The following CLIP4 variants were observed in gnomAD, a reference collection of about 807,000 sequenced individuals.
CLIP4 encodes the protein CAP-Gly domain containing linker protein family member 4, also known as CAP-Gly domain-containing linker protein 4.
In CLIP4, 47 loss-of-function variants were observed where a neutral mutation model predicts 73.1. That is an observed-to-expected ratio of 0.64 (90% CI 0.51 to 0.82). The LOEUF is 0.82. Ranked by LOEUF, CLIP4 falls within the 40% of genes least tolerant of loss-of-function variation. The pLI is 0.00. For missense variants in CLIP4, 874 were observed against 852.9 expected (o/e 1.02, Z -0.31); for synonymous variants, 306 against 295.4 (o/e 1.04, Z -0.37).
At chr2:29,126,357 G>C (rs1233242003) in intron 2 of CLIP4, among the ~76,000 whole-genome samples, 1 of 152,058 alleles carries the variant, frequency 6.6e-6, no homozygotes, top group East Asian at 1.9e-4. Flanking sequence ...GGTTATTCTG[G>C]CATTAATCCT....
intron 10 of CLIP4, among the ~76,000 whole-genome samples, chr2:29,156,744 T>G (rs1666950275): frequency 6.6e-6 from 1 of 152,244 alleles, no homozygotes; most frequent in Admixed American, 6.5e-5. Flanking sequence ...TTCATTTGCC[T>G]TTAGCTATCA....
chr2:29,167,468 A>T lies in CLIP4; in HGVS notation c.1659-8A>T. On this transcript the variant is annotated splice_region_variant and splice_polypyrimidine_tract_variant and intron_variant, in intron 13 of 15. Coordinates refer to ENST00000320081, the MANE Select transcript of CLIP4 (RefSeq NM_024692.6). ...CTTCTAACGAGATGTCCTTTGTTTT[A>T]TTCATAGAGTAACAGATTCCCTGGA... The T allele has an allele frequency of 6.3e-7, 1 of 1,594,140 alleles. No homozygotes were observed. The highest frequency in any genetic ancestry group is 8.5e-7 in the Non-Finnish European group (1 of 1,170,458).
intron 1 of CLIP4, among the ~76,000 whole-genome samples, chr2:29,109,887 G>A (rs1257799370): frequency 3.9e-5 from 6 of 151,990 alleles, no homozygotes; most frequent in African/African-American, 9.7e-5. Context: ...GCGAAACCCC[G>A]TCTCTACTAA....
Position 29,182,666 on chromosome 2 carries a change from GATGAACTACAAA to G in CLIP4, c.*775_*786del, listed in dbSNP as rs1362613947. 1 of 152,502 alleles carries G rather than the reference GATGAACTACAAA, an allele frequency of 6.6e-6. No homozygotes were observed. Among genetic ancestry groups the G allele is most frequent in the Non-Finnish European group, 1.5e-5 (1 of 68,010 alleles). 9.4% of individuals were successfully genotyped at this position (152,502 alleles called of 1,614,324 possible). ...TTCTGCTGCTTGACTGCTTCATCTGGATGAACTACAAAAAACCCATGATTAAGGTTTATGAAT... is the reference window on the plus strand; with the variant it reads ...TTCTGCTGCTTGACTGCTTCATCTGGAAACCCATGATTAAGGTTTATGAAT... On this transcript the variant is annotated 3_prime_UTR_variant, in exon 16 of 16. Transcript: ENST00000320081.
In CLIP4 at chr2:29,118,517, A is replaced by ATT. The variant is rs34856696; in HGVS notation, c.-15-2840_-15-2839dup. Among the ~76,000 whole-genome samples, 345 of 138,914 alleles carry ATT rather than the reference A, an allele frequency of 2.5e-3. 1 individual carries two copies. Among genetic ancestry groups the ATT allele is most frequent in the African/African-American group, 7.4e-3 (276 of 37,320 alleles). 91.1% of individuals were successfully genotyped at this position (138,914 alleles called of 152,430 possible). ...TTCTGTAGACAGTTGATTAGTGCCA[A>ATT]TTTTTTTTTTTTTTTTTTGAGATGG... On this transcript the variant is annotated intron_variant, in intron 1 of 15. Coordinates refer to ENST00000320081, the MANE Select transcript of CLIP4 (RefSeq NM_024692.6).
At chr2:29,113,804 C>T (rs148360762), upstream of CLIP4, among the ~76,000 whole-genome samples, 7 of 152,350 alleles carry the variant, frequency 4.6e-5, no homozygotes, top group Admixed American at 1.3e-4. This position sits in a 1 kb window ranked among gnomAD's most constrained non-coding sequence, Gnocchi z 4.0. Context: ...CTCTGTTACA[C>T]ACAGATCTTT....
chr2:29,182,007 C>T lies in CLIP4; in HGVS notation c.*114C>T, dbSNP rs1465806491. 3 of 823,408 alleles carry T rather than the reference C, an allele frequency of 3.6e-6. No individual in the cohort carries two copies. In the East Asian group the frequency reaches 8.3e-5, roughly 23 times the overall value. The allele number at this position is 823,408 out of a possible 1,614,324, so 51.0% of individuals were successfully genotyped here. A position where few individuals can be genotyped will look rare whatever the true frequency, so the allele number is the denominator to read the frequency against. Reference sequence around the variant, plus strand: ...AAAATTTTGAAAATATAGTTATCTTCTTAAAAACCATTATAACAATTCAGA... The same window carrying T: ...AAAATTTTGAAAATATAGTTATCTTTTTAAAAACCATTATAACAATTCAGA... On this transcript the variant is annotated 3_prime_UTR_variant, in exon 16 of 16. Transcript: ENST00000320081.
chr2:29,137,499 T>C (rs1665453481), intron 6 of CLIP4, among the ~76,000 whole-genome samples: 2 of 152,176 alleles, frequency 1.3e-5, no homozygotes, highest in Admixed American at 6.5e-5. Flanking sequence ...GTGCAGTGTC[T>C]TTTTGGTAAA....
In CLIP4 at chr2:29,132,209, T is replaced by G; in HGVS notation, c.331T>G (p.Leu111Val). Residue 111 changes from leucine (L) to valine (V), a missense_variant, in exon 4 of 16, where the codon TTA (leucine) becomes GTA (valine). Physicochemically the swap from Leu to Val is conservative, Grantham distance 32 (BLOSUM62 1). Transcript: ENST00000320081. The stretch of plus-strand genomic sequence containing the variant: ...AGATGGATTGACAGATATGACTCTT[T>G]TACATTATACCTGCAAATCTGGAGC... ...DRDGLTDMTL[L>V]HYTCKSGAHG... 1.2e-6 allele frequency: 2 copies of G among 1,613,792 alleles called. No individual in the cohort carries two copies. Among genetic ancestry groups the G allele is most frequent in the East Asian group, 2.2e-5 (1 of 44,850 alleles).
intron 15 of CLIP4, among the ~76,000 whole-genome samples, chr2:29,180,862 A>G (rs1252043328): frequency 6.7e-6 from 1 of 149,796 alleles, no homozygotes; most frequent in Non-Finnish European, 1.5e-5. Context: ...GTGTGTGTGT[A>G]CACATGTATA....
In CLIP4 at chr2:29,128,762, G is replaced by T. The variant is rs114892520; in HGVS notation, c.134-2496G>T. ...TTCTGAACTTCCTATAGCCATTTTG[G>T]TTTTTTTCCTTCATTTTCTTTTTCA... On this transcript the variant is annotated intron_variant, in intron 2 of 15. Coordinates refer to ENST00000320081, the MANE Select transcript of CLIP4 (RefSeq NM_024692.6). 8.5e-3 allele frequency among the ~76,000 whole-genome samples: 1,285 copies of T among 151,930 alleles called. 8 individuals carry two copies. The highest frequency in any genetic ancestry group is 0.013 in the Non-Finnish European group (888 of 67,888).
intron 6 of CLIP4, among the ~76,000 whole-genome samples, chr2:29,137,599 T>G (rs146800046): frequency 6.6e-6 from 1 of 152,346 alleles, no homozygotes; most frequent in East Asian, 1.9e-4. Flanking sequence ...ATCTCCACAT[T>G]GCTTTCCACA....
chr2:29,167,606 A>T (rs1340229610), intron 14 of CLIP4, 66 bp downstream of exon 14: 1 of 1,212,516 alleles, frequency 8.2e-7, no homozygotes, highest in African/African-American at 1.5e-5. Flanking sequence ...AAAAATTTTT[A>T]TTATGAGGTA....
intron 6 of CLIP4, among the ~76,000 whole-genome samples, chr2:29,140,377 A>G (rs1195354541): frequency 3.3e-5 from 5 of 152,000 alleles, no homozygotes; most frequent in South Asian, 4.2e-4. Flanking sequence ...ATGATTTCCA[A>G]TTTCATCCAT....
At position 29,109,335 on chromosome 2, in the gene CLIP4, G is replaced by A. The variant is rs190855591; in HGVS notation, c.-16+11388G>A. ...TGCCATGTGACATTCCTTTTGTTCCGTCTTCCTTTATGTAGGCTTTAAGAA... is the reference window on the plus strand; with the variant it reads ...TGCCATGTGACATTCCTTTTGTTCCATCTTCCTTTATGTAGGCTTTAAGAA... On this transcript the variant is annotated intron_variant, in intron 1 of 14. Coordinates refer to the CLIP4 transcript ENST00000401605. 1.5e-3 allele frequency among the ~76,000 whole-genome samples: 231 copies of A among 152,046 alleles called. 1 individual carries two copies. The highest frequency in any genetic ancestry group is 5.1e-3 in the African/African-American group (212 of 41,468).
intron 6 of CLIP4, among the ~76,000 whole-genome samples, chr2:29,136,402 C>T (rs996021199): frequency 6.6e-6 from 1 of 151,970 alleles, no homozygotes; most frequent in Non-Finnish European, 1.5e-5. Context: ...TCTGTTTAAC[C>T]CCCTTGATTA....
Position 29,175,181 on chromosome 2 carries a change from A to AC in CLIP4, c.1796+736_1796+737insC, listed in dbSNP as rs145444347. 5.0e-3 allele frequency among the ~76,000 whole-genome samples: 761 copies of AC among 152,316 alleles called. 1 individual carries two copies. The highest frequency in any genetic ancestry group is 0.017 in the African/African-American group (711 of 41,570). Reference sequence around the variant, plus strand: ...TAGAACTTGATGTCCCACTGTGGATAGGCAGGTCATTTGTTTACCTTCTGG... The same window carrying AC: ...TAGAACTTGATGTCCCACTGTGGATACGGCAGGTCATTTGTTTACCTTCTGG... On this transcript the variant is annotated intron_variant, in intron 15 of 15. Transcript: ENST00000320081.
chr2:29,181,358 T>C lies in CLIP4; in HGVS notation c.1797-214T>C, dbSNP rs373312550. ...GGTGGAAGAAACTTCTGTGTATGCG[T>C]GGACCCACGTACTTCAAACCTGTGT... On this transcript the variant is annotated intron_variant, in intron 15 of 15. Transcript: ENST00000320081. Among the ~76,000 whole-genome samples, 26 of 152,210 alleles carry C rather than the reference T, an allele frequency of 1.7e-4. 1 individual carries two copies. Among genetic ancestry groups the C allele is most frequent in the East Asian group, 7.7e-4 (4 of 5,196 alleles).
intron 15 of CLIP4, among the ~76,000 whole-genome samples, chr2:29,178,255 C>G (rs1668457124): frequency 6.6e-6 from 1 of 151,918 alleles, no homozygotes; most frequent in Admixed American, 6.6e-5. Context: ...ATCTTGGTCA[C>G]TGCAACCTCT....
Sources: gnomAD v4.1 joint callset for allele counts (sites outside exome capture counted in the v4.1 genomes callset) on GRCh38, gnomAD v4.1.1 for gene constraint, Gnocchi (gnomAD v3.1) non-coding constraint, MANE v1.5 for transcripts, NCBI Gene and HGNC (gene_info 2026-07-23, HGNC 2026-07-21) for gene names.